BABAM2: variants seen among roughly 807,000 people sequenced by gnomAD.
BABAM2 encodes the protein BRISC and BRCA1 A complex member 2, also known as BRISC and BRCA1-A complex member 2.
Under a neutral mutation model 54.7 loss-of-function variants are expected in BABAM2, and 31 were observed. The observed-to-expected ratio is 0.57, with a 90% CI of 0.43 to 0.77. BABAM2 has a LOEUF of 0.77. Ranked by LOEUF, BABAM2 falls within the 30% of genes least tolerant of loss-of-function variation. The pLI, the probability that BABAM2 is intolerant of heterozygous loss-of-function variation, is 0.00. For missense variants in BABAM2, 364 were observed against 455.8 expected (o/e 0.80, Z 1.83); for synonymous variants, 167 against 162.9 (o/e 1.03, Z -0.19).
intron 2 of BABAM2, among the ~76,000 whole-genome samples, chr2:27,904,601 G>A (rs1185141565): frequency 2.0e-5 from 3 of 151,906 alleles, no homozygotes; most frequent in Admixed American, 6.5e-5. Context: ...TCTGAGGAAA[G>A]CCATCAACAT....
At chr2:28,242,678 C>A (rs1327460950) in intron 9 of BABAM2, among the ~76,000 whole-genome samples, 1 of 151,984 alleles carries the variant, frequency 6.6e-6, no homozygotes, top group African/African-American at 2.4e-5. Context: ...ATTTGTCACC[C>A]TCTGGGATAT....
intron 10 of BABAM2, among the ~76,000 whole-genome samples, chr2:28,278,125 A>G (rs1374955083): frequency 1.3e-5 from 2 of 152,232 alleles, no homozygotes; most frequent in African/African-American, 4.8e-5. Flanking sequence ...TAATGTGGAG[A>G]TGAGACAGGA....
chr2:28,153,662 A>C (rs62139069), intron 7 of BABAM2, among the ~76,000 whole-genome samples: 33,369 of 152,218 alleles, frequency 0.22, 4,656 homozygotes, highest in Middle Eastern at 0.33. Context: ...GACCACCTGC[A>C]TCAGCCTTGG....
chr2:28,266,813 TAA>T (rs1481235951), intron 10 of BABAM2, among the ~76,000 whole-genome samples: 1 of 152,370 alleles, frequency 6.6e-6, no homozygotes, highest in African/African-American at 2.4e-5. Context: ...TCATGGTTGT[TAA>T]AACTTTTTAT....
chr2:28,160,317 C>T (rs553667887), intron 7 of BABAM2, among the ~76,000 whole-genome samples: 9 of 152,294 alleles, frequency 5.9e-5, no homozygotes, highest in Admixed American at 2.6e-4. Context: ...TAGCTGGGCC[C>T]GTGCATGGAG....
At chr2:28,229,390 T>C (rs1165503671) in intron 7 of BABAM2, among the ~76,000 whole-genome samples, 3 of 152,184 alleles carry the variant, frequency 2.0e-5, no homozygotes, top group Non-Finnish European at 4.4e-5. Context: ...GATGATATCA[T>C]AGAGGAAAAG....
intron 7 of BABAM2, among the ~76,000 whole-genome samples, chr2:28,130,702 C>A (rs1669954791): frequency 6.6e-6 from 1 of 151,880 alleles, no homozygotes; most frequent in Non-Finnish European, 1.5e-5. Flanking sequence ...GATTCTGCTG[C>A]CTCGGCCTCC....
At chr2:28,123,969 A>G (rs982473462) in intron 6 of BABAM2, among the ~76,000 whole-genome samples, 1 of 152,224 alleles carries the variant, frequency 6.6e-6, no homozygotes, top group African/African-American at 2.4e-5. Flanking sequence ...GAAAGTTTAA[A>G]AGTCAGAAAG....
intron 3 of BABAM2, among the ~76,000 whole-genome samples, chr2:27,947,406 A>G (rs1669377917): frequency 6.6e-6 from 1 of 152,142 alleles, no homozygotes; most frequent in South Asian, 2.1e-4. Context: ...TTCATTTATC[A>G]TGTAAGAACC....
chr2:28,072,632 G>A (rs1012750447), intron 6 of BABAM2, among the ~76,000 whole-genome samples: 4 of 152,234 alleles, frequency 2.6e-5, no homozygotes, highest in Middle Eastern at 3.4e-3. Context: ...TGATCCGCCC[G>A]CCTCAGCCTC....
chr2:28,101,027 C>T (rs1044090699), intron 6 of BABAM2, among the ~76,000 whole-genome samples: 1 of 152,184 alleles, frequency 6.6e-6, no homozygotes, highest in Non-Finnish European at 1.5e-5. Context: ...TAGCAGGGAA[C>T]AGGTGGGTCA....
intron 8 of BABAM2, among the ~76,000 whole-genome samples, chr2:28,240,044 G>C (rs1414297637): frequency 6.6e-6 from 1 of 151,420 alleles, no homozygotes; most frequent in African/African-American, 2.4e-5. Flanking sequence ...GAGAGTAAAG[G>C]AAAAAGAAAG....
chr2:28,112,527 G>A (rs1668226768), intron 6 of BABAM2, among the ~76,000 whole-genome samples: 1 of 151,962 alleles, frequency 6.6e-6, no homozygotes, highest in Non-Finnish European at 1.5e-5. Context: ...TCCCTGCAAA[G>A]GACATGAACT....
chr2:27,978,623 CTTTTTCTT>C (rs1156548240), intron 3 of BABAM2, among the ~76,000 whole-genome samples: 4 of 152,174 alleles, frequency 2.6e-5, no homozygotes, highest in African/African-American at 4.8e-5. Context: ...AGTCATTTAC[CTTTTTCTT>C]TTTTTCTTTT....
At chr2:28,222,547 T>C (rs1680512834) in intron 7 of BABAM2, among the ~76,000 whole-genome samples, 2 of 152,216 alleles carry the variant, frequency 1.3e-5, no homozygotes, top group South Asian at 2.1e-4. Context: ...ATACAACTTT[T>C]CTCATAAGTC....
intron 7 of BABAM2, among the ~76,000 whole-genome samples, chr2:28,158,259 A>G (rs892944735): frequency 3.3e-5 from 5 of 152,206 alleles, no homozygotes; most frequent in African/African-American, 9.7e-5. Context: ...AATAAAAACA[A>G]CAAAATGTTT....
intron 2 of BABAM2, among the ~76,000 whole-genome samples, chr2:27,895,361 C>T (rs1436232311): frequency 1.3e-5 from 2 of 152,158 alleles, no homozygotes; most frequent in Admixed American, 6.5e-5. Flanking sequence ...TTTTTCTTTG[C>T]CTATCATGAC....
At chr2:28,202,938 C>G (rs1558432674) in intron 7 of BABAM2, among the ~76,000 whole-genome samples, 1 of 152,056 alleles carries the variant, frequency 6.6e-6, no homozygotes, top group Non-Finnish European at 1.5e-5. Flanking sequence ...GATTTTGTAC[C>G]TTAACCTCAC....
At chr2:28,284,333 G>A (rs1470831017) in intron 10 of BABAM2, among the ~76,000 whole-genome samples, 1 of 151,136 alleles carries the variant, frequency 6.6e-6, no homozygotes, top group African/African-American at 2.4e-5. Context: ...CAAAAAGCTG[G>A]ACAATTCACA....
Sources: allele counts gnomAD v4.1 joint callset (sites outside exome capture counted in the v4.1 genomes callset), GRCh38; gene constraint gnomAD v4.1.1; transcripts MANE v1.5; gene names NCBI Gene and HGNC (gene_info 2026-07-23, HGNC 2026-07-21).